Variants in SKA2 observed in about 807,000 individuals in gnomAD.
SKA2 encodes spindle and kinetochore associated complex subunit 2.
Under a neutral mutation model 16.9 loss-of-function variants are expected in SKA2, and 13 were observed. The observed-to-expected ratio is 0.77, with a 90% CI of 0.50 to 1.22. The LOEUF is 1.22. Among genes scored for constraint, SKA2 ranks in the 50% most tolerant of loss-of-function variants. SKA2 has a pLI of 0.00. For missense variants in SKA2, 107 were observed against 139.7 expected, an observed-to-expected ratio of 0.77 and a Z score of 1.18; for synonymous variants, 47 against 48.5, an observed-to-expected ratio of 0.97 and a Z score of 0.13.
At position 59,137,082 on chromosome 17, in the gene SKA2, G is replaced by C. The variant is rs145365777; in HGVS notation, c.34-5715C>G. On this transcript the variant is annotated intron_variant, in intron 1 of 3. Coordinates refer to ENST00000330137, the MANE Select transcript of SKA2 (RefSeq NM_182620.4). ...GGCGAGTGCAGTGGCACAAATCACA[G>C]CTCACTGCAGCCTCAACCTCCTGGA... Among the ~76,000 whole-genome samples the C allele has an allele frequency of 2.0e-5, 3 of 152,174 alleles. No homozygotes were observed. The East Asian group carries it at 5.8e-4, about 29-fold the overall frequency.
At chr17:59,134,202 T>C (rs979067517) in intron 1 of SKA2, among the ~76,000 whole-genome samples, 2 of 152,138 alleles carry the variant, frequency 1.3e-5, no homozygotes, top group Admixed American at 6.6e-5. Flanking sequence ...ATGGAGAGAA[T>C]GAGGAGAGAC....
At position 59,120,290 on chromosome 17, in the gene SKA2, GC is replaced by G. The variant is rs1384683662; in HGVS notation, c.121-796del. Among the ~76,000 whole-genome samples the G allele has an allele frequency of 2.0e-5, 3 of 152,008 alleles. No homozygotes were observed. In the East Asian group the frequency reaches 5.8e-4, roughly 29 times the overall value. ...TATACACACAAAATATAAAATTCAT[GC>G]CAACCCAACTGTATTTATAAACTAT... On this transcript the variant is annotated intron_variant, in intron 2 of 3. Transcript: ENST00000330137.
intron 2 of SKA2, among the ~76,000 whole-genome samples, chr17:59,130,045 G>GGA (rs1177150381): frequency 7.8e-6 from 1 of 127,610 alleles, no homozygotes; most frequent in Non-Finnish European, 1.6e-5. Context: ...GAGGCGGGGG[G>GGA]GAGAGAGAGA....
At chr17:59,152,298 T>G (rs1232693107) in intron 1 of SKA2, among the ~76,000 whole-genome samples, 7 of 152,144 alleles carry the variant, frequency 4.6e-5, no homozygotes, top group African/African-American at 1.7e-4. Flanking sequence ...TTCACCAACC[T>G]CCCTTTAAAC....
intron 3 of SKA2, among the ~76,000 whole-genome samples, chr17:59,117,339 TTAAG>T (rs1246158893): frequency 6.6e-6 from 1 of 152,158 alleles, no homozygotes; most frequent in Non-Finnish European, 1.5e-5. Context: ...TCTCAGAAGA[TTAAG>T]TTTCATATCT....
intron 2 of SKA2, among the ~76,000 whole-genome samples, chr17:59,124,747 G>A (rs2046359433): frequency 6.6e-6 from 1 of 152,088 alleles, no homozygotes; most frequent in African/African-American, 2.4e-5. Flanking sequence ...CTAAAAGAGA[G>A]GACAGGGTAG....
intron 2 of SKA2, 68 bp downstream of exon 2, chr17:59,131,213 C>T (rs2046409750): frequency 1.0e-6 from 1 of 994,918 alleles, no homozygotes; most frequent in African/African-American, 1.6e-5. Flanking sequence ...ATTAGGAATG[C>T]TATCAGAAAA....
At chr17:59,145,911 G>A (rs1478380239) in intron 1 of SKA2, among the ~76,000 whole-genome samples, 7 of 151,922 alleles carry the variant, frequency 4.6e-5, no homozygotes, top group Admixed American at 4.6e-4. Flanking sequence ...GATCACTTGG[G>A]CCCGAGAGGT....
intron 1 of SKA2, 39 bp from the exon 2 acceptor site, chr17:59,131,406 G>A (rs749797761): frequency 4.5e-6 from 6 of 1,318,928 alleles, no homozygotes; most frequent in Admixed American, 2.4e-5. Flanking sequence ...TAAACCAAAA[G>A]ACTAATAGTA....
At chr17:59,120,824 A>G (rs995679010) in intron 2 of SKA2, among the ~76,000 whole-genome samples, 9 of 152,258 alleles carry the variant, frequency 5.9e-5, no homozygotes, top group Middle Eastern at 6.8e-3. Flanking sequence ...AAAATCTCCA[A>G]TCTAGAATCC....
Position 59,147,829 on chromosome 17 carries a change from C to CA in SKA2, c.33+7301dup, listed in dbSNP as rs536221750. On this transcript the variant is annotated intron_variant, in intron 1 of 3. Coordinates refer to ENST00000330137, the MANE Select transcript of SKA2 (RefSeq NM_182620.4). ...ACAGACTATTAAATATTGTTTTAAG[C>CA]AAAAAAAAAAAAAAAAATTTTTTTT... 8.3e-3 allele frequency among the ~76,000 whole-genome samples: 872 copies of CA among 105,140 alleles called. 5 individuals carry two copies. Among genetic ancestry groups the CA allele is most frequent in the African/African-American group, 0.012 (351 of 29,196 alleles). 69.0% of individuals were successfully genotyped at this position (105,140 alleles called of 152,430 possible).
intron 2 of SKA2, among the ~76,000 whole-genome samples, chr17:59,128,182 T>A (rs1263112522): frequency 1.3e-5 from 2 of 149,886 alleles, no homozygotes; most frequent in Non-Finnish European, 3.0e-5. Flanking sequence ...ACCACTGCAC[T>A]CCAGCCTAGG....
In SKA2 at chr17:59,112,099, A is replaced by G. The variant is rs1463410502; in HGVS notation, c.*178T>C. On this transcript the variant is annotated 3_prime_UTR_variant, in exon 4 of 4. Coordinates refer to ENST00000330137, the MANE Select transcript of SKA2 (RefSeq NM_182620.4). ...CCTTTTGGCTGAACTTTATTCATAT[A>G]TTATCTGCCCTTCTTCTTATAATCT... 8 of 582,930 alleles carry G rather than the reference A, an allele frequency of 1.4e-5. No individual in the cohort carries two copies. In the South Asian group the frequency reaches 1.4e-4, roughly 10 times the overall value. 36.1% of individuals were successfully genotyped at this position (582,930 alleles called of 1,614,324 possible).
intron 2 of SKA2, among the ~76,000 whole-genome samples, chr17:59,130,257 G>A (rs578116213): frequency 5.3e-5 from 8 of 151,830 alleles, no homozygotes; most frequent in African/African-American, 1.9e-4. Flanking sequence ...TTTTTTAATT[G>A]TATGGAATTT....
At chr17:59,129,628 C>T (rs920082221) in intron 2 of SKA2, among the ~76,000 whole-genome samples, 6 of 151,878 alleles carry the variant, frequency 4.0e-5, no homozygotes, top group Admixed American at 6.6e-5. Flanking sequence ...GAGGCTGAGG[C>T]GGGTGGATCA....
intron 1 of SKA2, among the ~76,000 whole-genome samples, chr17:59,151,543 T>C (rs1343242249): frequency 1.3e-5 from 2 of 152,192 alleles, no homozygotes; most frequent in Admixed American, 1.3e-4. Context: ...TTATAATTAC[T>C]ACTAAGGCAA....
intron 2 of SKA2, among the ~76,000 whole-genome samples, chr17:59,127,251 G>A (rs1447468652): frequency 6.6e-6 from 1 of 152,136 alleles, no homozygotes; most frequent in Non-Finnish European, 1.5e-5. Context: ...AGATTAAGAT[G>A]GCTATCAGGT....
intron 1 of SKA2, among the ~76,000 whole-genome samples, chr17:59,137,051 T>C (rs926450794): frequency 1.3e-5 from 2 of 152,118 alleles, no homozygotes; most frequent in African/African-American, 4.8e-5. Context: ...CTTGCTTTGT[T>C]GCCCAGGCGA....
At chr17:59,145,844 C>G (rs983014390) in intron 1 of SKA2, among the ~76,000 whole-genome samples, 3 of 151,832 alleles carry the variant, frequency 2.0e-5, no homozygotes, top group African/African-American at 7.3e-5. Context: ...TTTAAACTAG[C>G]CAGGCATCAT....
Sources: allele counts gnomAD v4.1 joint callset (sites outside exome capture counted in the v4.1 genomes callset), GRCh38; gene constraint gnomAD v4.1.1; transcripts MANE v1.5; gene names NCBI Gene and HGNC (gene_info 2026-07-23, HGNC 2026-07-21).